TTC29: variants seen among roughly 807,000 people sequenced by gnomAD.
TTC29 encodes tetratricopeptide repeat protein 29.
Under a neutral mutation model 58.1 loss-of-function variants are expected in TTC29, and 49 were observed. The ratio of observed to expected loss-of-function variants is 0.84; its 90% CI spans 0.67 to 1.07. The LOEUF (loss-of-function observed/expected upper bound fraction) is 1.07, where lower values mean the gene tolerates loss of function less well. Among genes scored for constraint, TTC29 ranks in the 50% least tolerant of loss-of-function variants. TTC29 has a pLI of 0.00. For missense variants in TTC29, 582 were observed against 555.6 expected (o/e 1.05, Z -0.48); for synonymous variants, 209 against 196.8 (o/e 1.06, Z -0.52).
chr4:146,764,169 A>G (rs1747119178), intron 11 of TTC29: 1 of 152,154 alleles, frequency 6.6e-6, no homozygotes, highest in African/African-American at 2.4e-5. Flanking sequence ...TTTTGCATTC[A>G]GTATTCAATC....
intron 11 of TTC29, among the ~76,000 whole-genome samples, chr4:146,741,250 G>A (rs1243584960): frequency 6.6e-6 from 1 of 152,082 alleles, no homozygotes; most frequent in African/African-American, 2.4e-5. Flanking sequence ...TTTTATGCTG[G>A]AATAAAAACT....
rs565862849 is a variant in TTC29 at position 146,816,457 on chromosome 4, T to A, written c.1101+3668A>T. ...AGGGTAGCAGAGGAAGCACACGACA[T>A]GCAAAACCTGAGCACAGCTAGAGCA... On this transcript the variant is annotated intron_variant, in intron 10 of 12. Coordinates refer to ENST00000325106, the MANE Select transcript of TTC29 (RefSeq NM_031956.4). 4.0e-5 allele frequency among the ~76,000 whole-genome samples: 6 copies of A among 151,742 alleles called. No homozygotes were observed. In the Middle Eastern group the frequency reaches 0.014, roughly 344 times the overall value.
At chr4:146,808,498 C>T (rs889840942) in intron 10 of TTC29, among the ~76,000 whole-genome samples, 4 of 152,206 alleles carry the variant, frequency 2.6e-5, no homozygotes, top group Admixed American at 1.3e-4. Flanking sequence ...ACCCCATCAT[C>T]TCAGCCCAAA....
chr4:146,939,539 C>G (rs562780721), intron 3 of TTC29, among the ~76,000 whole-genome samples: 5 of 152,000 alleles, frequency 3.3e-5, no homozygotes, highest in Non-Finnish European at 5.9e-5. Flanking sequence ...AACTTATCTC[C>G]AAAACTCTAC....
intron 11 of TTC29, among the ~76,000 whole-genome samples, chr4:146,722,306 A>AT (rs1330581094): frequency 2.6e-5 from 4 of 152,188 alleles, no homozygotes; most frequent in African/African-American, 7.2e-5. Context: ...TCACAAACGG[A>AT]TAAAAAACAA....
intron 11 of TTC29, among the ~76,000 whole-genome samples, chr4:146,725,005 G>A (rs946834413): frequency 2.0e-5 from 3 of 152,074 alleles, no homozygotes; most frequent in African/African-American, 7.2e-5. Flanking sequence ...GTATATATGG[G>A]CATAGAGGGG....
At chr4:146,901,921 A>G (rs1733175885) in intron 6 of TTC29, among the ~76,000 whole-genome samples, 1 of 152,176 alleles carries the variant, frequency 6.6e-6, no homozygotes, top group Admixed American at 6.5e-5. Context: ...ATCCCCTGAC[A>G]CTAGGTTCTA....
intron 11 of TTC29, among the ~76,000 whole-genome samples, chr4:146,803,057 G>C (rs554179094): frequency 4.6e-5 from 7 of 152,252 alleles, no homozygotes; most frequent in African/African-American, 1.4e-4. Context: ...ATACTTATCA[G>C]TAAAGTAAGC....
At chr4:146,752,469 A>G (rs1339460253) in intron 11 of TTC29, among the ~76,000 whole-genome samples, 2 of 151,744 alleles carry the variant, frequency 1.3e-5, no homozygotes. Flanking sequence ...GAAAATGGCC[A>G]TACTGCCCCA....
At chr4:146,892,954 C>T (rs1732486175) in intron 6 of TTC29, among the ~76,000 whole-genome samples, 1 of 152,074 alleles carries the variant, frequency 6.6e-6, no homozygotes, top group Non-Finnish European at 1.5e-5. Flanking sequence ...AATAAAATAC[C>T]TAGGAATCCA....
At chr4:146,729,905 TG>T (rs1329356625) in intron 11 of TTC29, among the ~76,000 whole-genome samples, 1 of 151,452 alleles carries the variant, frequency 6.6e-6, no homozygotes, top group Non-Finnish European at 1.5e-5. Flanking sequence ...CCTCGATACG[TG>T]GGGATTATGG....
chr4:146,886,097 T>A (rs1731963528), intron 6 of TTC29, among the ~76,000 whole-genome samples: 1 of 152,156 alleles, frequency 6.6e-6, no homozygotes, highest in African/African-American at 2.4e-5. Context: ...TTTCTCTTTT[T>A]CCCTACCTCC....
intron 11 of TTC29, among the ~76,000 whole-genome samples, chr4:146,725,125 A>G (rs1743673438): frequency 6.6e-6 from 1 of 152,192 alleles, no homozygotes; most frequent in South Asian, 2.1e-4. Flanking sequence ...GGTAGGGACA[A>G]AAAAGTACTG....
chr4:146,931,796 A>G (rs1046559069), intron 4 of TTC29, among the ~76,000 whole-genome samples: 8 of 152,212 alleles, frequency 5.3e-5, no homozygotes, highest in Non-Finnish European at 1.2e-4. Flanking sequence ...TGTTCTGTTG[A>G]CATTTGAAAT....
At chr4:146,904,068 T>C (rs1410296351) in intron 5 of TTC29, among the ~76,000 whole-genome samples, 1 of 152,172 alleles carries the variant, frequency 6.6e-6, no homozygotes, top group Admixed American at 6.5e-5. Flanking sequence ...AAGGATTATG[T>C]AGTTTCATTG....
At chr4:146,757,587 A>G (rs1199286432) in intron 11 of TTC29, among the ~76,000 whole-genome samples, 1 of 152,192 alleles carries the variant, frequency 6.6e-6, no homozygotes, top group African/African-American at 2.4e-5. Flanking sequence ...GTAATCTATA[A>G]AGGAAAACCT....
intron 6 of TTC29, among the ~76,000 whole-genome samples, chr4:146,892,163 A>T (rs909398695): frequency 6.6e-6 from 1 of 151,944 alleles, no homozygotes; most frequent in African/African-American, 2.4e-5. Context: ...GTTCTCATGA[A>T]ATCTGGTTGT....
intron 9 of TTC29, 23 bp from the exon 10 acceptor site, chr4:146,820,271 T>A (rs1308661459): frequency 1.1e-5 from 18 of 1,605,294 alleles, no homozygotes; most frequent in Non-Finnish European, 1.4e-5. Context: ...AAATAGGAAG[T>A]CAATGGAGTA....
intron 6 of TTC29, among the ~76,000 whole-genome samples, chr4:146,891,831 C>T (rs1475611489): frequency 6.6e-6 from 1 of 152,146 alleles, no homozygotes; most frequent in East Asian, 1.9e-4. Flanking sequence ...TGCTCACAGA[C>T]ATTTAGAAGA....
Sources: gnomAD v4.1 joint callset for allele counts (sites outside exome capture counted in the v4.1 genomes callset) on GRCh38, gnomAD v4.1.1 for gene constraint, MANE v1.5 for transcripts, NCBI Gene and HGNC (gene_info 2026-07-23, HGNC 2026-07-21) for gene names.